The following GRIP1 variants were observed in gnomAD, a reference collection of about 807,000 sequenced individuals.
GRIP1 encodes glutamate receptor interacting protein 1.
In GRIP1, 45 loss-of-function variants were observed where a neutral mutation model predicts 129.9. That is an observed-to-expected ratio of 0.35 (90% CI 0.27 to 0.44). The LOEUF (loss-of-function observed/expected upper bound fraction) is 0.44, where lower values mean the gene tolerates loss of function less well. GRIP1 is among the 20% of genes least tolerant of loss of function. The pLI, the probability that GRIP1 is intolerant of heterozygous loss-of-function variation, is 1.00. For missense variants in GRIP1, 1,196 were observed against 1,396.8 expected (o/e 0.86, Z 2.29); for synonymous variants, 530 against 520.8 (o/e 1.02, Z -0.24).
chr12:66,470,177 TCCCAAG>T (rs995176873), intron 7 of GRIP1, among the ~76,000 whole-genome samples: 6 of 152,162 alleles, frequency 3.9e-5, no homozygotes, highest in African/African-American at 1.4e-4. Flanking sequence ...ATCACGTTAA[TCCCAAG>T]CTTAAAAGCT....
At chr12:66,475,258 A>C (rs539510934) in intron 7 of GRIP1, among the ~76,000 whole-genome samples, 43 of 152,300 alleles carry the variant, frequency 2.8e-4, no homozygotes, top group East Asian at 5.8e-4. Flanking sequence ...GTAAAGGGAT[A>C]AATTCAACAA....
At chr12:66,834,132 C>T (rs1592889088) in intron 1 of GRIP1, among the ~76,000 whole-genome samples, 1 of 133,920 alleles carries the variant, frequency 7.5e-6, no homozygotes, top group Admixed American at 8.9e-5. Flanking sequence ...GAGCCCAGAT[C>T]GTGCCACTGC....
At chr12:66,763,896 T>C (rs2136682387) in intron 1 of GRIP1, among the ~76,000 whole-genome samples, 1 of 152,332 alleles carries the variant, frequency 6.6e-6, no homozygotes. Context: ...CCTCAAGTCT[T>C]CCCACTTGTA....
At chr12:66,934,587 AT>A (rs1199896875) in intron 1 of GRIP1, among the ~76,000 whole-genome samples, 1 of 152,240 alleles carries the variant, frequency 6.6e-6, no homozygotes, top group Non-Finnish European at 1.5e-5. Flanking sequence ...ACTTGAATGA[AT>A]TTTTAAAATA....
At chr12:66,898,782 T>C (rs1323348510) in intron 1 of GRIP1, among the ~76,000 whole-genome samples, 3 of 152,222 alleles carry the variant, frequency 2.0e-5, no homozygotes, top group Non-Finnish European at 4.4e-5. Flanking sequence ...ATGTAGTGTG[T>C]TTATTAGCAA....
In GRIP1 at chr12:66,815,854, T is replaced by TTCTCTCTC. The variant is rs1555241803; in HGVS notation, c.59-218935_59-218928dup. Among the ~76,000 whole-genome samples the TTCTCTCTC allele has an allele frequency of 3.3e-3, 385 of 116,810 alleles. 3 individuals carry two copies. The highest frequency in any genetic ancestry group is 0.017 in the East Asian group (55 of 3,254). The allele number at this position is 116,810 out of a possible 152,430, so 76.6% of individuals were successfully genotyped here. On this transcript the variant is annotated intron_variant, in intron 1 of 1. Transcript: ENST00000643019. ...TTTCTTTCTTTCTTTCTTTCTTTCT[T>TTCTCTCTC]TCTCTCTCTCTCTCTCTCTCTCTCT...
chr12:66,564,871 T>A (rs540847482), intron 2 of GRIP1, among the ~76,000 whole-genome samples: 1 of 152,392 alleles, frequency 6.6e-6, no homozygotes, highest in African/African-American at 2.4e-5. Flanking sequence ...ACTTCTCTGA[T>A]GGCCAGTGAT....
intron 5 of GRIP1, among the ~76,000 whole-genome samples, chr12:66,527,841 T>G (rs1436647548): frequency 6.6e-6 from 1 of 151,702 alleles, no homozygotes; most frequent in African/African-American, 2.4e-5. Flanking sequence ...AGGAGGAGGA[T>G]GAGGATTGAA....
intron 1 of GRIP1, among the ~76,000 whole-genome samples, chr12:66,802,434 G>C (rs1566030110): frequency 6.6e-6 from 1 of 152,100 alleles, no homozygotes; most frequent in Non-Finnish European, 1.5e-5. Context: ...AATGTATAAA[G>C]ACTACTTACT....
At chr12:66,401,603 TATATATAC>T (rs1423316774) in intron 16 of GRIP1, among the ~76,000 whole-genome samples, 22 of 124,650 alleles carry the variant, frequency 1.8e-4, no homozygotes, top group African/African-American at 7.6e-4. Flanking sequence ...TGTGTGTATA[TATATATAC>T]ACACACACAC....
intron 5 of GRIP1, among the ~76,000 whole-genome samples, chr12:66,529,302 GA>G (rs2061367547): frequency 6.6e-6 from 1 of 152,102 alleles, no homozygotes; most frequent in African/African-American, 2.4e-5. Context: ...TCTACCAGAG[GA>G]AAAGAAGTCA....
intron 11 of GRIP1, among the ~76,000 whole-genome samples, chr12:66,449,705 T>G (rs1012428608): frequency 6.6e-6 from 1 of 152,210 alleles, no homozygotes; most frequent in Non-Finnish European, 1.5e-5. Flanking sequence ...ACCAAACCAC[T>G]GGGAGACACC....
chr12:66,507,443 A>C (rs1338703201), intron 7 of GRIP1, among the ~76,000 whole-genome samples: 1 of 115,230 alleles, frequency 8.7e-6, no homozygotes, highest in African/African-American at 3.8e-5. Flanking sequence ...ATTTCAAAAA[A>C]AGAAAAAAAA....
intron 1 of GRIP1, chr12:67,037,358 A>ATAATAC (rs1450620517): frequency 6.7e-6 from 1 of 148,652 alleles, no homozygotes; most frequent in African/African-American, 2.4e-5. Context: ...AATAATAATA[A>ATAATAC]TACTTAAATA....
rs185127063 is a variant in GRIP1 at position 66,802,091 on chromosome 12, C to T, written c.-420+1962G>A. Among the ~76,000 whole-genome samples, 5 of 152,124 alleles carry T rather than the reference C, an allele frequency of 3.3e-5. No homozygotes were observed. The East Asian group carries it at 5.8e-4, about 18-fold the overall frequency. On this transcript the variant is annotated intron_variant, in intron 1 of 4. Coordinates refer to the GRIP1 transcript ENST00000538373. ...ACCCAATTCAGAGAAGCCCTGAAAC[C>T]GAAGCCAAAAGATGCACTGAGAAGT...
chr12:66,509,495 T>G (rs959907362), intron 7 of GRIP1, among the ~76,000 whole-genome samples: 1 of 151,992 alleles, frequency 6.6e-6, no homozygotes, highest in Non-Finnish European at 1.5e-5. Context: ...CTACAGTCAT[T>G]GCTTTCAGAA....
chr12:66,632,292 G>A (rs529742914), intron 1 of GRIP1, among the ~76,000 whole-genome samples: 23 of 152,320 alleles, frequency 1.5e-4, no homozygotes, highest in Admixed American at 1.0e-3. Context: ...CACAAGGCAA[G>A]TAGGGAATGG....
intron 1 of GRIP1, among the ~76,000 whole-genome samples, chr12:67,010,408 T>A (rs2042687935): frequency 6.6e-6 from 1 of 151,998 alleles, no homozygotes; most frequent in Non-Finnish European, 1.5e-5. Context: ...GCCAAAGCAA[T>A]CTGAATTCAC....
intron 1 of GRIP1, among the ~76,000 whole-genome samples, chr12:66,709,668 C>T (rs1290579306): frequency 6.6e-6 from 1 of 151,856 alleles, no homozygotes; most frequent in Non-Finnish European, 1.5e-5. Context: ...CAAGACAACA[C>T]ATGTGCCTTA....
Sources: gnomAD v4.1 joint callset for allele counts (sites outside exome capture counted in the v4.1 genomes callset) on GRCh38, gnomAD v4.1.1 for gene constraint, MANE v1.5 for transcripts, NCBI Gene and HGNC (gene_info 2026-07-23, HGNC 2026-07-21) for gene names.